Variants in MAP7 observed in about 807,000 individuals in gnomAD.
The protein encoded by MAP7 is ensconsin.
In MAP7, 52 loss-of-function variants were observed where a neutral mutation model predicts 94.8. The ratio of observed to expected loss-of-function variants is 0.55; its 90% confidence interval spans 0.44 to 0.69. The LOEUF is 0.69. Among genes scored for constraint, MAP7 ranks in the 30% least tolerant of loss-of-function variants. The pLI is 0.00. For synonymous variants in MAP7, 350 were observed against 357.0 expected, an observed-to-expected ratio of 0.98 and a Z score of 0.22; for missense variants, 940 against 964.6, an observed-to-expected ratio of 0.97 and a Z score of 0.34.
chr6:136,448,198 T>TA (rs1483480470), intron 1 of MAP7, among the ~76,000 whole-genome samples: 387 of 149,336 alleles, frequency 2.6e-3, no homozygotes, highest in African/African-American at 8.2e-3. Flanking sequence ...TCTCAAAAAA[T>TA]AAAAAAAAAG....
intron 1 of MAP7, among the ~76,000 whole-genome samples, chr6:136,440,391 C>T (rs1797496446): frequency 6.6e-6 from 1 of 151,908 alleles, no homozygotes; most frequent in South Asian, 2.1e-4. Context: ...TGAGCTGGTC[C>T]TAAAGAGTGA....
chr6:136,479,684 C>G (rs978587017), intron 1 of MAP7, among the ~76,000 whole-genome samples: 3 of 152,008 alleles, frequency 2.0e-5, no homozygotes, highest in African/African-American at 7.2e-5. Context: ...ATCAAACATA[C>G]AAAAATCAGT....
At chr6:136,517,562 C>T (rs1175118952) in intron 1 of MAP7, among the ~76,000 whole-genome samples, 4 of 152,156 alleles carry the variant, frequency 2.6e-5, no homozygotes, top group Non-Finnish European at 5.9e-5. Flanking sequence ...CTCTAATACC[C>T]GCCAGCACCT....
intron 5 of MAP7, among the ~76,000 whole-genome samples, chr6:136,385,045 A>C (rs1178043284): frequency 6.6e-6 from 1 of 152,164 alleles, no homozygotes; most frequent in Non-Finnish European, 1.5e-5. Flanking sequence ...TTCTGTTGTT[A>C]CCTGCTTCTA....
intron 5 of MAP7, 128 bp from the exon 6 acceptor site, chr6:136,383,909 C>T: frequency 1.6e-6 from 1 of 612,894 alleles, no homozygotes; most frequent in Non-Finnish European, 2.9e-6. Flanking sequence ...CATAATAACA[C>T]AGTTTTCTAA....
At chr6:136,533,476 A>G (rs1828638216) in intron 1 of MAP7, among the ~76,000 whole-genome samples, 1 of 152,252 alleles carries the variant, frequency 6.6e-6, no homozygotes, top group Admixed American at 6.5e-5. Context: ...TCTTTAGGAC[A>G]GCAAAGCATC....
chr6:136,476,561 T>C (rs75924748), intron 1 of MAP7, among the ~76,000 whole-genome samples: 2,092 of 152,268 alleles, frequency 0.014, 84 homozygotes, highest in East Asian at 0.14. Flanking sequence ...TCCTAATATT[T>C]AACATAGAAA....
At chr6:136,483,129 C>CAAAAAA (rs57320038) in intron 1 of MAP7, among the ~76,000 whole-genome samples, 5 of 83,098 alleles carry the variant, frequency 6.0e-5, no homozygotes, top group Admixed American at 1.2e-4. Flanking sequence ...AAGTATCTTT[C>CAAAAAA]AAAAAAAAAA....
chr6:136,391,583 A>AACAACAACC (rs1299323668), intron 3 of MAP7, among the ~76,000 whole-genome samples: 9 of 151,260 alleles, frequency 6.0e-5, no homozygotes, highest in African/African-American at 2.2e-4. Context: ...CAACAACAAC[A>AACAACAACC]ACCAAACCAC....
At chr6:136,493,565 C>CT (rs1817353702) in intron 1 of MAP7, among the ~76,000 whole-genome samples, 1 of 152,150 alleles carries the variant, frequency 6.6e-6, no homozygotes, top group African/African-American at 2.4e-5. Flanking sequence ...CAGGAGCGCA[C>CT]TTGCCACACC....
intron 8 of MAP7, among the ~76,000 whole-genome samples, chr6:136,370,924 C>A (rs2128601432): frequency 1.3e-5 from 2 of 148,784 alleles, no homozygotes; most frequent in Non-Finnish European, 3.0e-5. Context: ...TTTTTTAACA[C>A]AACTAAATAT....
intron 1 of MAP7, among the ~76,000 whole-genome samples, chr6:136,486,221 A>G (rs956056200): frequency 1.3e-5 from 2 of 152,216 alleles, no homozygotes; most frequent in South Asian, 2.1e-4. Context: ...GGGAGGGGAA[A>G]GAAAGGTGAA....
chr6:136,509,554 C>T (rs9389396), intron 1 of MAP7, among the ~76,000 whole-genome samples: 17,526 of 151,996 alleles, frequency 0.12, 2,518 homozygotes, highest in African/African-American at 0.34. Context: ...TACCCAGTTT[C>T]GGTTTTTGTT....
intron 6 of MAP7, among the ~76,000 whole-genome samples, chr6:136,379,251 A>G (rs939414905): frequency 2.0e-5 from 3 of 152,232 alleles, no homozygotes; most frequent in African/African-American, 7.2e-5. Flanking sequence ...ATTTGGAATG[A>G]AGTATCAATT....
chr6:136,397,712 G>C (rs78251009), intron 3 of MAP7, among the ~76,000 whole-genome samples: 2,543 of 152,226 alleles, frequency 0.017, 28 homozygotes, highest in South Asian at 0.031. Context: ...ACTTGATCTT[G>C]GACTGCACGG....
In MAP7 at chr6:136,344,162, G is replaced by A. The variant is rs1343745162; in HGVS notation, c.*66C>T. On this transcript the variant is annotated 3_prime_UTR_variant, in exon 18 of 18. Coordinates refer to ENST00000354570, the MANE Select transcript of MAP7 (RefSeq NM_003980.6). The stretch of plus-strand genomic sequence containing the variant: ...TGGAGGGGATGCTCCTTTATAGCAG[G>A]AAAGGAATTCCATTAATTGTAGAAA... 3 of 839,284 alleles carry A rather than the reference G, an allele frequency of 3.6e-6. No homozygotes were observed. In the East Asian group the frequency reaches 9.3e-5, roughly 26 times the overall value. 52.0% of individuals were successfully genotyped at this position (839,284 alleles called of 1,614,324 possible). A position where few individuals can be genotyped will look rare whatever the true frequency, so the allele number is the denominator to read the frequency against.
At chr6:136,358,395 A>T (rs1048368748) in intron 15 of MAP7, among the ~76,000 whole-genome samples, 5 of 152,202 alleles carry the variant, frequency 3.3e-5, no homozygotes, top group African/African-American at 1.2e-4. Flanking sequence ...GCCTGTGTCT[A>T]TTACAATATT....
intron 3 of MAP7, among the ~76,000 whole-genome samples, chr6:136,402,703 G>A (rs1479013619): frequency 1.3e-5 from 2 of 151,952 alleles, no homozygotes; most frequent in Non-Finnish European, 1.5e-5. Context: ...TCAGGAGATC[G>A]AGACCATCCT....
chr6:136,360,817 C>G lies in MAP7; in HGVS notation c.1702-19G>C, dbSNP rs761468680. ...CTTCTTTCTGAAAACAGAAGGTCGGCGTCTGCCTCTGACAAACAGGCGGGC... is the reference window on the plus strand; with the variant it reads ...CTTCTTTCTGAAAACAGAAGGTCGGGGTCTGCCTCTGACAAACAGGCGGGC... On this transcript the variant is annotated intron_variant, in intron 12 of 17. Coordinates refer to ENST00000354570, the MANE Select transcript of MAP7 (RefSeq NM_003980.6). The G allele has an allele frequency of 4.3e-6, 7 of 1,611,550 alleles. No homozygotes were observed. In the African/African-American group the frequency reaches 6.7e-5, roughly 15 times the overall value.
Sources: allele counts gnomAD v4.1 joint callset (sites outside exome capture counted in the v4.1 genomes callset), GRCh38; gene constraint gnomAD v4.1.1; transcripts MANE v1.5; gene names NCBI Gene and HGNC (gene_info 2026-07-23, HGNC 2026-07-21).